The following GLMN variants were observed in gnomAD, a reference collection of about 807,000 sequenced individuals.
GLMN encodes glomulin, FKBP associated protein.
GLMN carries 75 observed loss-of-function variants against 87.8 expected under a neutral mutation model. The ratio of observed to expected loss-of-function variants is 0.85; its 90% CI spans 0.71 to 1.04. GLMN has a LOEUF of 1.04. Among genes scored for constraint, GLMN ranks in the 50% least tolerant of loss-of-function variants. GLMN has a pLI of 0.00. For missense variants in GLMN, 588 were observed against 658.8 expected (o/e 0.89, Z 1.18); for synonymous variants, 206 against 221.6 (o/e 0.93, Z 0.63).
At chr1:92,263,861 C>A in intron 14 of GLMN, 129 bp from the exon 15 acceptor site, 1 of 679,544 alleles carries the variant, frequency 1.5e-6, no homozygotes. Flanking sequence ...AATTTCCGTA[C>A]TTTCATTCAC....
the GLMN span, among the ~76,000 whole-genome samples, chr1:92,305,432 C>CAAAAAAAAAAAAAAAAAA: frequency 1.0e-3 from 54 of 52,658 alleles, no homozygotes; most frequent in African/African-American, 3.1e-3. Context: ...GGCTCCGTCT[C>CAAAAAAAAAAAAAAAAAA]AAAAAAAAAA....
upstream of GLMN, among the ~76,000 whole-genome samples, chr1:92,299,784 A>G (rs1650673004): frequency 6.6e-6 from 1 of 152,254 alleles, no homozygotes; most frequent in Admixed American, 6.5e-5. Flanking sequence ...TGTGGAAAAG[A>G]AGAAAAGGTG....
At chr1:92,259,953 T>C (rs1394328046) in intron 16 of GLMN, among the ~76,000 whole-genome samples, 2 of 152,016 alleles carry the variant, frequency 1.3e-5, no homozygotes, top group Non-Finnish European at 2.9e-5. Flanking sequence ...GCCAGGATGG[T>C]CTTGATCTCC....
chr1:92,349,902 AG>A, the GLMN span, among the ~76,000 whole-genome samples: 1 of 152,190 alleles, frequency 6.6e-6, no homozygotes, highest in Non-Finnish European at 1.5e-5. Flanking sequence ...ACTCAAGCCT[AG>A]GTAACAGAGC....
chr1:92,261,908 T>C (rs1427103473), intron 16 of GLMN, among the ~76,000 whole-genome samples: 5 of 152,050 alleles, frequency 3.3e-5, no homozygotes, highest in Admixed American at 2.0e-4. Flanking sequence ...GGTAAACCAA[T>C]GATCACTATA....
chr1:92,268,566 G>A (rs1655902723), intron 9 of GLMN, among the ~76,000 whole-genome samples: 1 of 152,198 alleles, frequency 6.6e-6, no homozygotes, highest in Non-Finnish European at 1.5e-5. Flanking sequence ...TATTATCACT[G>A]TATGAATAAC....
chr1:92,299,079 G>A (rs911039728), upstream of GLMN: 15 of 1,507,550 alleles, frequency 9.9e-6, no homozygotes, highest in African/African-American at 5.7e-5. Flanking sequence ...CCCCCATGGC[G>A]GACTTCGCTG....
chr1:92,271,662 G>A lies in GLMN; in HGVS notation c.736-10C>T. 1 of 1,586,976 alleles carries A rather than the reference G, an allele frequency of 6.3e-7. No individual in the cohort carries two copies. The highest frequency in any genetic ancestry group is 8.7e-7 in the Non-Finnish European group (1 of 1,155,652). ...TTGCTGATAAAAAACCCTATGAAAT[G>A]GATAAAAAAGGAAACCATAGCACAC... is the stretch of plus-strand genomic sequence containing the variant. On this transcript the variant is annotated splice_polypyrimidine_tract_variant and intron_variant, in intron 7 of 18. Coordinates refer to ENST00000370360, the MANE Select transcript of GLMN (RefSeq NM_053274.3).
chr1:92,297,407 ATTCTT>A lies in GLMN; in HGVS notation c.157_161del (p.Lys53Ter), dbSNP rs762515373. ...TAAACACCAAGATTGTACGCACCTT[ATTCTT>A]TTCATTTTGAATAATTTCTAATAGC... On this transcript the variant is annotated frameshift_variant, in exon 3 of 19. Transcript: ENST00000370360. LOFTEE classifies it high-confidence loss of function. 158 of 1,610,474 alleles carry A rather than the reference ATTCTT, an allele frequency of 9.8e-5. No homozygotes were observed. Among genetic ancestry groups the A allele is most frequent in the Non-Finnish European group, 1.2e-4 (141 of 1,177,742 alleles).
chr1:92,306,909 G>T, the GLMN span, among the ~76,000 whole-genome samples: 1 of 152,144 alleles, frequency 6.6e-6, no homozygotes, highest in Non-Finnish European at 1.5e-5. Context: ...TTTTTTAATA[G>T]GGATATGTAC....
chr1:92,297,576 T>C (rs1217614353), intron 2 of GLMN, 47 bp from the exon 3 acceptor site: 3 of 1,468,094 alleles, frequency 2.0e-6, no homozygotes, highest in South Asian at 2.4e-5. Flanking sequence ...AAAAAGTATA[T>C]GCAAATAAAA....
At chr1:92,246,998 G>T in intron 18 of GLMN, 64 bp downstream of exon 18, 1 of 880,372 alleles carries the variant, frequency 1.1e-6, no homozygotes, top group Non-Finnish European at 1.9e-6. Context: ...ACTCCAGCTT[G>T]GGCAAGATAG....
At chr1:92,248,400 C>T (rs1652977975) in intron 16 of GLMN, 1 of 162,296 alleles carries the variant, frequency 6.2e-6, no homozygotes, top group Admixed American at 6.2e-5. Flanking sequence ...GATGCTTTCC[C>T]TTTCCTACTG....
chr1:92,286,007 T>C (rs1648703017), intron 7 of GLMN, among the ~76,000 whole-genome samples: 1 of 152,016 alleles, frequency 6.6e-6, no homozygotes. Context: ...TTGAAAAGTA[T>C]GCAAAAATTT....
At chr1:92,279,712 C>T (rs1016564173) in intron 7 of GLMN, among the ~76,000 whole-genome samples, 1 of 152,294 alleles carries the variant, frequency 6.6e-6, no homozygotes, top group South Asian at 2.1e-4. Context: ...CAAGGGAAGC[C>T]GTGACAGACT....
the GLMN span, chr1:92,320,637 A>G: frequency 6.2e-7 from 1 of 1,605,612 alleles, no homozygotes; most frequent in Non-Finnish European, 8.5e-7. Flanking sequence ...GAACAAAGGT[A>G]TGGTTGAATC....
chr1:92,365,990 A>T, the GLMN span, among the ~76,000 whole-genome samples: 1 of 152,200 alleles, frequency 6.6e-6, no homozygotes. Context: ...TAAAAAAAAA[A>T]TTTAACAAAC....
At chr1:92,249,127 G>GA (rs1242743422) in intron 16 of GLMN, among the ~76,000 whole-genome samples, 3 of 151,654 alleles carry the variant, frequency 2.0e-5, no homozygotes, top group Non-Finnish European at 2.9e-5. Flanking sequence ...TGGTGAATGG[G>GA]AAAAAAGGTT....
chr1:92,358,153 A>G, the GLMN span, among the ~76,000 whole-genome samples: 1 of 152,134 alleles, frequency 6.6e-6, no homozygotes, highest in Non-Finnish European at 1.5e-5. Context: ...CAGCCCTTCA[A>G]AGGCTTTCAA....
Sources: gnomAD v4.1 joint callset for allele counts (sites outside exome capture counted in the v4.1 genomes callset) on GRCh38, gnomAD v4.1.1 for gene constraint, MANE v1.5 for transcripts, NCBI Gene and HGNC (gene_info 2026-07-23, HGNC 2026-07-21) for gene names.